Variants in ZNF721 observed in about 807,000 individuals in gnomAD.
ZNF721 encodes zinc finger protein 721.
A neutral mutation model predicts 2.4 loss-of-function variants in ZNF721; 2 were observed. That is an observed-to-expected ratio of 0.82 (90% CI 0.34 to 2.58). The LOEUF (loss-of-function observed/expected upper bound fraction) is 2.58. ZNF721 is among the 30% of genes most tolerant of loss of function. The probability of loss-of-function intolerance (pLI) is 0.11; values close to 1 mark genes in which losing one functional copy is unlikely to be tolerated. For synonymous variants in ZNF721, 398 were observed against 381.8 expected, an observed-to-expected ratio of 1.04 and a Z score of -0.50; for missense variants, 1,187 against 1,085.5, an observed-to-expected ratio of 1.09 and a Z score of -1.31.
At chr4:472,507 C>T in intron 2 of ZNF721, 68 bp downstream of exon 2, 2 of 1,524,884 alleles carry the variant, frequency 1.3e-6, no homozygotes, top group Non-Finnish European at 1.8e-6. Flanking sequence ...TCTCAAAAGA[C>T]ATTCTACAAA....
At chr4:449,499 C>T (rs2108692644) in intron 2 of ZNF721, among the ~76,000 whole-genome samples, 1 of 152,104 alleles carries the variant, frequency 6.6e-6, no homozygotes, top group East Asian at 1.9e-4. Flanking sequence ...AGTAAACATA[C>T]AGGAATGCTT....
Position 443,504 on chromosome 4 carries a change from A to C in ZNF721, c.963T>G (p.Tyr321Ter), listed in dbSNP as rs553150364. 3 of 1,613,744 alleles carry C rather than the reference A, an allele frequency of 1.9e-6. No homozygotes were observed. Among genetic ancestry groups the C allele is most frequent in the Non-Finnish European group, 2.5e-6 (3 of 1,179,828 alleles). The change falls in exon 3 of 3, where the codon TAT becomes TAG. Residue 321 changes from tyrosine to a stop codon, truncating the protein, a stop_gained. Transcript: ENST00000511833. LOFTEE classifies it low-confidence loss of function (END_TRUNC). ...GKAFRQSANLYVHRRIHTGEK... is the reference protein window; with the variant it reads ...GKAFRQSANL ...CTCCAGTATGAATTCTCCTATGTAC[A>C]TAAAGGTTTGCGGACTGTCTAAAGG...
In ZNF721 at chr4:472,573, A is replaced by T. The variant is rs1715469051; in HGVS notation, c.34+2T>A. On this transcript the variant is annotated splice_donor_variant, in intron 2 of 2. Coordinates refer to ENST00000511833, the MANE Select transcript of ZNF721 (RefSeq NM_133474.4). LOFTEE classifies it high-confidence loss of function. ...GGAATTATGCATTAAAGTTATCCTC[A>T]CCTAGGGAGACCAGGTTTCTGTAGT... is the stretch of plus-strand genomic sequence containing the variant. 1 of 1,610,314 alleles carries T rather than the reference A, an allele frequency of 6.2e-7. No individual in the cohort carries two copies. The highest frequency in any genetic ancestry group is 8.5e-7 in the Non-Finnish European group (1 of 1,179,190).
chr4:442,815 T>C lies in ZNF721; in HGVS notation c.1652A>G (p.His551Arg), dbSNP rs782688455. 1.9e-6 allele frequency: 3 copies of C among 1,613,904 alleles called. No individual in the cohort carries two copies. Among genetic ancestry groups the C allele is most frequent in the Non-Finnish European group, 2.5e-6 (3 of 1,179,902 alleles). Residue 551 changes from histidine (H) to arginine (R), a missense_variant, in exon 3 of 3, where the codon CAT becomes CGT. Physicochemically the swap from His to Arg is conservative, Grantham distance 29. Transcript: ENST00000511833. ...SAILYVHRRIHTGEKPYTCEE... is the reference protein window; with the variant it reads ...SAILYVHRRIRTGEKPYTCEE... The stretch of plus-strand genomic sequence containing the variant: ...ACATGTGTAGGGTTTCTCTCCAGTA[T>C]GAATTCTCCTATGTACATAAAGGAT...
chr4:444,336 T>G lies in ZNF721; in HGVS notation c.131A>C (p.His44Pro). ...LILRRYEKCG[H>P]DNLQLRKGCK... is the part of the protein sequence containing the mutation. Reference sequence around the variant, plus strand: ...GCCTTTCCTTAATTGTAAATTATCATGCCCACATTTCTCATATCTTCTCAG... The same window carrying G: ...GCCTTTCCTTAATTGTAAATTATCAGGCCCACATTTCTCATATCTTCTCAG... The change falls in exon 3 of 3, where the codon CAT becomes CCT. Residue 44 changes from histidine to proline, a missense_variant. Coordinates refer to ENST00000511833, the MANE Select transcript of ZNF721 (RefSeq NM_133474.4). The G allele has an allele frequency of 6.2e-7, 1 of 1,614,152 alleles. No homozygotes were observed. Among genetic ancestry groups the G allele is most frequent in the Non-Finnish European group, 8.5e-7 (1 of 1,180,002 alleles).
In ZNF721 at chr4:444,043, G is replaced by A. The variant is rs145798212; in HGVS notation, c.424C>T (p.Arg142Cys). 817 of 1,613,350 alleles carry A rather than the reference G, an allele frequency of 5.1e-4. 3 individuals carry two copies. In the East Asian group the frequency reaches 0.015, roughly 30 times the overall value. The change falls in exon 3 of 3, where the codon CGT becomes TGT. Residue 142 changes from arginine to cysteine, a missense_variant. Physicochemically the swap from Arg to Cys is radical, Grantham distance 180. Coordinates refer to ENST00000511833, the MANE Select transcript of ZNF721 (RefSeq NM_133474.4). ...GTGTACCATCCAAAGTCTTTGCCAC[G>A]TTCTTCACAAGTGTAGGGTTTCTCT... ...AGEKPYTCEE[R>C]GKDFGWYTDL...
chr4:467,784 G>A (rs1345815216), intron 2 of ZNF721, among the ~76,000 whole-genome samples: 2 of 152,206 alleles, frequency 1.3e-5, no homozygotes, highest in African/African-American at 4.8e-5. Context: ...CAAGCCATTT[G>A]TAGTCACAGT....
intron 2 of ZNF721, among the ~76,000 whole-genome samples, chr4:461,105 C>T (rs993237809): frequency 5.9e-5 from 9 of 152,158 alleles, no homozygotes; most frequent in Admixed American, 4.6e-4. Flanking sequence ...TTTTATGAGG[C>T]CAGCATCATC....
chr4:458,344 C>T (rs1287108621), intron 2 of ZNF721, among the ~76,000 whole-genome samples: 4 of 152,156 alleles, frequency 2.6e-5, no homozygotes, highest in African/African-American at 9.7e-5. Context: ...GGATCTGAAA[C>T]ACTTTATTAC....
chr4:464,531 A>T (rs1462657528), intron 2 of ZNF721, among the ~76,000 whole-genome samples: 2 of 151,676 alleles, frequency 1.3e-5, no homozygotes, highest in East Asian at 3.9e-4. Context: ...AAAATGAAAG[A>T]GTGAATAAAG....
intron 1 of ZNF721, among the ~76,000 whole-genome samples, chr4:488,606 C>T (rs75446393): frequency 0.16 from 24,541 of 151,994 alleles, 2,795 homozygotes; most frequent in African/African-American, 0.33. Flanking sequence ...CCGAGGCAGG[C>T]GGATCACAAG....
At chr4:469,968 C>T (rs1489120514) in intron 2 of ZNF721, among the ~76,000 whole-genome samples, 1 of 152,150 alleles carries the variant, frequency 6.6e-6, no homozygotes, top group Non-Finnish European at 1.5e-5. Context: ...TGCAAGCTCC[C>T]GCCTCCCGGG....
Position 485,037 on chromosome 4 carries a change from C to T in ZNF721, c.-93-12336G>A, listed in dbSNP as rs1228470443. ...CTGTCCCTTTATTTCTCAAGCCGGC[C>T]GACACTTAGGGAAAATAGAAAAGAA... On this transcript the variant is annotated intron_variant, in intron 1 of 2. Transcript: ENST00000511833. Among the ~76,000 whole-genome samples the T allele has an allele frequency of 4.6e-5, 7 of 152,082 alleles. No individual in the cohort carries two copies. In the South Asian group the frequency reaches 8.3e-4, roughly 18 times the overall value.
intron 2 of ZNF721, among the ~76,000 whole-genome samples, chr4:464,711 G>C (rs1553866512): frequency 1.3e-5 from 2 of 152,066 alleles, no homozygotes; most frequent in African/African-American, 4.8e-5. Flanking sequence ...AATATAGCAG[G>C]ACCCTGTCTC....
chr4:474,115 G>GC (rs1182217660), intron 1 of ZNF721: 2 of 1,158,610 alleles, frequency 1.7e-6, no homozygotes, highest in Admixed American at 2.2e-5. Flanking sequence ...GGGAAGTGAG[G>GC]CCCTAACCGA....
chr4:443,353 G>A lies in ZNF721; in HGVS notation c.1114C>T (p.Arg372Trp), dbSNP rs374184066. The A allele has an allele frequency of 4.0e-5, 65 of 1,613,530 alleles. No individual in the cohort carries two copies. The highest frequency in any genetic ancestry group is 8.9e-5 in the East Asian group (4 of 44,840). ...KCEDCGKAFG[R>W]YTALNQHKKI... ...TTGTGTTGATTCAGGGCTGTGTACC[G>A]TCCAAAGGCTTTGCCACAGTCTTCG... is the stretch of plus-strand genomic sequence containing the variant. Residue 372 changes from arginine to tryptophan, a missense_variant, in exon 3 of 3, where the codon CGG becomes TGG. Transcript: ENST00000511833.
intron 1 of ZNF721, among the ~76,000 whole-genome samples, chr4:473,335 C>CA (rs1429324655): frequency 4.6e-5 from 7 of 152,218 alleles, no homozygotes; most frequent in African/African-American, 1.2e-4. Flanking sequence ...CTAGAGAAAG[C>CA]AGACACAGCA....
At chr4:486,065 C>T (rs1319615453) in intron 1 of ZNF721, among the ~76,000 whole-genome samples, 3 of 152,120 alleles carry the variant, frequency 2.0e-5, no homozygotes, top group African/African-American at 2.4e-5. Context: ...CCACCACCCA[C>T]ATGCACAGCA....
intron 1 of ZNF721, among the ~76,000 whole-genome samples, chr4:484,698 G>A (rs1401514357): frequency 1.2e-4 from 19 of 152,160 alleles, no homozygotes; most frequent in African/African-American, 2.7e-4. Flanking sequence ...TGGTCAGACC[G>A]GTTGATCTCA....
Sources: allele counts gnomAD v4.1 joint callset (sites outside exome capture counted in the v4.1 genomes callset), GRCh38; gene constraint gnomAD v4.1.1; transcripts MANE v1.5; gene names NCBI Gene and HGNC (gene_info 2026-07-23, HGNC 2026-07-21).